NCAPG: variants seen among roughly 807,000 people sequenced by gnomAD.
NCAPG encodes non-SMC condensin I complex subunit G, also known as condensin complex subunit 3.
In NCAPG, 69 loss-of-function variants were observed where a neutral mutation model predicts 113.1. The observed-to-expected ratio is 0.61, with a 90% confidence interval of 0.50 to 0.75. The LOEUF is 0.75. Ranked by LOEUF, NCAPG falls within the 30% of genes least tolerant of loss-of-function variation. The pLI, the probability that NCAPG is intolerant of heterozygous loss-of-function variation, is 0.00. For synonymous variants in NCAPG, 370 were observed against 415.8 expected (o/e 0.89, Z 1.34); for missense variants, 1,058 against 1,177.0 (o/e 0.90, Z 1.48).
At chr4:17,837,432 T>C in intron 15 of NCAPG, 92 bp downstream of exon 15, 3 of 1,309,454 alleles carry the variant, frequency 2.3e-6, no homozygotes, top group Non-Finnish European at 3.1e-6. Flanking sequence ...TTGTTGTTGA[T>C]ACTTTTTCTG....
chr4:17,814,212 A>T (rs919630590), intron 3 of NCAPG, among the ~76,000 whole-genome samples: 8 of 152,182 alleles, frequency 5.3e-5, no homozygotes, highest in Admixed American at 5.2e-4. Context: ...GCACAGACAT[A>T]ATCTTAATGA....
intron 12 of NCAPG, among the ~76,000 whole-genome samples, 182 bp from the exon 13 acceptor site, chr4:17,830,815 G>A (rs542030422): frequency 6.6e-6 from 1 of 152,240 alleles, no homozygotes; most frequent in South Asian, 2.1e-4. Context: ...TTTAGCAGGT[G>A]GAGGGGAGGT....
intron 17 of NCAPG, 87 bp downstream of exon 17, chr4:17,839,924 G>A: frequency 3.5e-6 from 5 of 1,448,778 alleles, no homozygotes; most frequent in Non-Finnish European, 4.6e-6. Context: ...TTATACATAT[G>A]TTAGCATATT....
chr4:17,818,036 T>A lies in NCAPG; in HGVS notation c.1066T>A (p.Phe356Ile). The change falls in exon 7 of 21, where the codon TTT becomes ATT. Residue 356 changes from phenylalanine (F) to isoleucine (I), a missense_variant. By Grantham distance (21) the Phe-to-Ile change is conservative. Coordinates refer to ENST00000251496, the MANE Select transcript of NCAPG (RefSeq NM_022346.5). Reference protein sequence around the residue: ...LKSKGDEGEEFLEQILPEPVV... With the variant: ...LKSKGDEGEEILEQILPEPVV... Reference sequence around the variant, plus strand: ...ATCAAAAGGAGATGAAGGTGAAGAATTTTTAGAGCAGATTTTGCCAGAGCC... The same window carrying A: ...ATCAAAAGGAGATGAAGGTGAAGAAATTTTAGAGCAGATTTTGCCAGAGCC... 1 of 1,613,542 alleles carries A rather than the reference T, an allele frequency of 6.2e-7. No individual in the cohort carries two copies. The highest frequency in any genetic ancestry group is 8.5e-7 in the Non-Finnish European group (1 of 1,179,786).
Position 17,843,748 on chromosome 4 carries a change from G to GTAAC in NCAPG, c.*326_*329dup, listed in dbSNP as rs1160841945. Reference sequence around the variant, plus strand: ...ATGTCATTATGGAAAACTTACAAGTGTAACTAGCTAGTAGCTTGCATTTGA... The same window carrying GTAAC: ...ATGTCATTATGGAAAACTTACAAGTGTAACTAACTAGCTAGTAGCTTGCATTTGA... On this transcript the variant is annotated 3_prime_UTR_variant, in exon 21 of 21. Transcript: ENST00000251496. The GTAAC allele has an allele frequency of 1.2e-5, 2 of 172,542 alleles. No individual in the cohort carries two copies. Among genetic ancestry groups the GTAAC allele is most frequent in the East Asian group, 1.4e-4 (1 of 7,042 alleles). The allele number at this position is 172,542 out of a possible 1,614,324, so 10.7% of individuals were successfully genotyped here.
intron 7 of NCAPG, among the ~76,000 whole-genome samples, chr4:17,819,224 A>C (rs1167904441): frequency 1.3e-5 from 2 of 152,092 alleles, no homozygotes; most frequent in Non-Finnish European, 2.9e-5. Context: ...GTTGATGGAC[A>C]TTTAGGATGT....
intron 11 of NCAPG, among the ~76,000 whole-genome samples, chr4:17,827,339 T>A (rs1165774325): frequency 3.3e-5 from 5 of 152,230 alleles, no homozygotes; most frequent in Admixed American, 3.3e-4. Flanking sequence ...ATGTCTCAGA[T>A]CACTGTTGTT....
At chr4:17,834,213 AAAC>A in intron 13 of NCAPG, 83 bp from the exon 14 acceptor site, 1 of 884,270 alleles carries the variant, frequency 1.1e-6, no homozygotes, top group South Asian at 2.2e-5. Context: ...ACTAAGAAAA[AAAC>A]AAGATACATA....
intron 4 of NCAPG, 98 bp downstream of exon 4, chr4:17,815,096 T>C (rs1290730569): frequency 6.7e-7 from 1 of 1,499,512 alleles, no homozygotes. Context: ...TAATAATTTC[T>C]TCAGTTGAGG....
intron 19 of NCAPG, 33 bp downstream of exon 19, chr4:17,840,726 AG>A (rs761326261): frequency 7.4e-7 from 1 of 1,348,478 alleles, no homozygotes; most frequent in East Asian, 2.6e-5. Context: ...TTATGATAAA[AG>A]TTTTAAATTT....
intron 1 of NCAPG, 121 bp from the exon 2 acceptor site, chr4:17,812,100 T>A: frequency 1.3e-6 from 1 of 763,084 alleles, no homozygotes; most frequent in Non-Finnish European, 2.1e-6. Context: ...AAGAGTTTAC[T>A]AAATAAATAT....
Position 17,837,201 on chromosome 4 carries a change from C to T in NCAPG, c.2152C>T (p.Leu718=), listed in dbSNP as rs1430530344. The change falls in exon 15 of 21, where the codon CTG becomes TTG. Residue 718 remains leucine (L), a synonymous_variant. Coordinates refer to ENST00000251496, the MANE Select transcript of NCAPG (RefSeq NM_022346.5). The part of the protein sequence containing the change: ...RTGAAEGLAK[L]MFSGLLVSSR... ...TGGAGCTGCAGAAGGACTAGCCAAG[C>T]TGATGTTCTCTGGGCTTTTGGTCAG... The T allele has an allele frequency of 6.2e-7, 1 of 1,613,966 alleles. No homozygotes were observed.
chr4:17,818,615 T>C (rs927483024), intron 7 of NCAPG, among the ~76,000 whole-genome samples: 1 of 152,210 alleles, frequency 6.6e-6, no homozygotes, highest in African/African-American at 2.4e-5. Context: ...TTTAAAATAG[T>C]CTTAGCTTGC....
rs1720931275 is a variant in NCAPG at position 17,811,321 on chromosome 4, A to G, written c.111+133A>G. On this transcript the variant is annotated intron_variant, in intron 1 of 20. Transcript: ENST00000251496. This position sits in a 1 kb window ranked among gnomAD's most constrained non-coding sequence, Gnocchi z 5.3. ...CACCTTCGCGACTCACTTCATAGGG[A>G]TCTGAGGTTCGGAGAAGTCAGGGAC... 1.5e-5 allele frequency: 8 copies of G among 523,564 alleles called. No individual in the cohort carries two copies. The South Asian group carries it at 2.3e-4, about 15-fold the overall frequency. The allele number at this position is 523,564 out of a possible 1,614,324, so 32.4% of individuals were successfully genotyped here. A position where few individuals can be genotyped will look rare whatever the true frequency, so the allele number is the denominator to read the frequency against.
In NCAPG at chr4:17,828,267, C is replaced by T; in HGVS notation, c.1654-11C>T. ...ATATTACTAATGCTGAATATTTTGTCTTCATTTTAGAATGATGCTGAAACA... is the reference window on the plus strand; with the variant it reads ...ATATTACTAATGCTGAATATTTTGTTTTCATTTTAGAATGATGCTGAAACA... On this transcript the variant is annotated splice_polypyrimidine_tract_variant and intron_variant, in intron 11 of 20. Transcript: ENST00000251496. 1 of 1,586,112 alleles carries T rather than the reference C, an allele frequency of 6.3e-7. No homozygotes were observed. The highest frequency in any genetic ancestry group is 8.6e-7 in the Non-Finnish European group (1 of 1,160,778).
Position 17,823,572 on chromosome 4 carries a change from T to C in NCAPG, c.1260-75T>C, listed in dbSNP as rs1343514512. The C allele has an allele frequency of 3.1e-5, 41 of 1,321,338 alleles. No homozygotes were observed. The South Asian group carries it at 4.8e-4, about 15-fold the overall frequency. The allele number at this position is 1,321,338 out of a possible 1,614,324, so 81.9% of individuals were successfully genotyped here. Reference sequence around the variant, plus strand: ...GAACTGAGGCAAATGTAATTAAGTTTGCAGAGTAGGTGAATGTTAGAGATA... The same window carrying C: ...GAACTGAGGCAAATGTAATTAAGTTCGCAGAGTAGGTGAATGTTAGAGATA... On this transcript the variant is annotated intron_variant, in intron 8 of 20. Coordinates refer to ENST00000251496, the MANE Select transcript of NCAPG (RefSeq NM_022346.5).
intron 20 of NCAPG, chr4:17,843,000 G>A (rs914094755): frequency 2.1e-5 from 4 of 186,260 alleles, no homozygotes; most frequent in Non-Finnish European, 1.1e-5. Flanking sequence ...ATCTCTTTTG[G>A]ACAGTTATGG....
chr4:17,844,819 C>G lies in NCAPG; in HGVS notation c.*1394C>G, dbSNP rs1050550836. 2 of 152,310 alleles carry G rather than the reference C, an allele frequency of 1.3e-5. No homozygotes were observed. Among genetic ancestry groups the G allele is most frequent in the Non-Finnish European group, 2.9e-5 (2 of 67,904 alleles). 9.4% of individuals were successfully genotyped at this position (152,310 alleles called of 1,614,324 possible). Reference sequence around the variant, plus strand: ...CATGTTCTCATGTGGTTTACCATACCAAAGCTTGCTTTCTCTGGCATGGGA... The same window carrying G: ...CATGTTCTCATGTGGTTTACCATACGAAAGCTTGCTTTCTCTGGCATGGGA... On this transcript the variant is annotated 3_prime_UTR_variant, in exon 21 of 21. Transcript: ENST00000251496.
At chr4:17,824,526 AG>A (rs1721582153) in intron 9 of NCAPG, among the ~76,000 whole-genome samples, 1 of 152,130 alleles carries the variant, frequency 6.6e-6, no homozygotes. Context: ...CTGAAAGGAA[AG>A]TCCTTCCTTA....
Sources: allele counts gnomAD v4.1 joint callset (sites outside exome capture counted in the v4.1 genomes callset), GRCh38; gene constraint gnomAD v4.1.1; non-coding constraint Gnocchi (gnomAD v3.1); transcripts MANE v1.5; gene names NCBI Gene and HGNC (gene_info 2026-07-23, HGNC 2026-07-21).